The following PTPN13 variants were observed in gnomAD, a reference collection of about 807,000 sequenced individuals.
The protein encoded by PTPN13 is tyrosine-protein phosphatase non-receptor type 13.
PTPN13 carries 191 observed loss-of-function variants against 284.0 expected under a neutral mutation model. The observed-to-expected ratio is 0.67, with a 90% CI of 0.60 to 0.76. PTPN13 has a LOEUF of 0.76. Among genes scored for constraint, PTPN13 ranks in the 30% least tolerant of loss-of-function variants. The probability of loss-of-function intolerance (pLI) is 0.00; values close to 1 mark genes in which losing one functional copy is unlikely to be tolerated. For synonymous variants in PTPN13, 986 were observed against 1,022.3 expected, an observed-to-expected ratio of 0.96 and a Z score of 0.68; for missense variants, 2,797 against 2,939.9, an observed-to-expected ratio of 0.95 and a Z score of 1.12.
chr4:86,786,593 T>A (rs895417055), intron 40 of PTPN13, among the ~76,000 whole-genome samples: 3 of 152,162 alleles, frequency 2.0e-5, no homozygotes, highest in Non-Finnish European at 4.4e-5. Context: ...AAATGTGGCA[T>A]TCGCTAGTGG....
intron 2 of PTPN13, among the ~76,000 whole-genome samples, chr4:86,655,019 C>T (rs2148822585): frequency 6.6e-6 from 1 of 152,206 alleles, no homozygotes; most frequent in South Asian, 2.1e-4. Flanking sequence ...CTCTTTTGAT[C>T]TTTGTTGGTT....
chr4:86,770,296 G>A, intron 30 of PTPN13, 97 bp downstream of exon 30: 2 of 1,136,860 alleles, frequency 1.8e-6, no homozygotes, highest in South Asian at 1.4e-5. Context: ...TGTTCTCCTG[G>A]GTTTCATACC....
Position 86,618,462 on chromosome 4 carries a change from A to C in PTPN13, c.-5-16790A>C, listed in dbSNP as rs1327807126. 3.9e-5 allele frequency among the ~76,000 whole-genome samples: 6 copies of C among 152,300 alleles called. No individual in the cohort carries two copies. In the East Asian group the frequency reaches 1.2e-3, roughly 29 times the overall value. ...AAAGTAGTTTTTTCCTATTCTGTGAAGAAAGTCATTGGTAGCTTGATGGGG... is the reference window on the plus strand; with the variant it reads ...AAAGTAGTTTTTTCCTATTCTGTGACGAAAGTCATTGGTAGCTTGATGGGG... On this transcript the variant is annotated intron_variant, in intron 1 of 47. Coordinates refer to ENST00000411767, the MANE Select transcript of PTPN13 (RefSeq NM_080683.3).
At chr4:86,618,905 T>C (rs1282942406) in intron 1 of PTPN13, among the ~76,000 whole-genome samples, 1 of 152,178 alleles carries the variant, frequency 6.6e-6, no homozygotes, top group African/African-American at 2.4e-5. Context: ...TTTTCCTAAT[T>C]GAATACCCTT....
At chr4:86,733,768 T>C (rs956688500) in intron 12 of PTPN13, among the ~76,000 whole-genome samples, 8 of 152,194 alleles carry the variant, frequency 5.3e-5, no homozygotes, top group Non-Finnish European at 7.4e-5. Flanking sequence ...AATAATTCTT[T>C]TATTTGTAGA....
At chr4:86,638,919 G>A (rs952625188) in intron 2 of PTPN13, among the ~76,000 whole-genome samples, 4 of 152,078 alleles carry the variant, frequency 2.6e-5, no homozygotes, top group Non-Finnish European at 5.9e-5. Context: ...GAAAATGTTC[G>A]CAACCTACTC....
rs753169701 is a variant in PTPN13, at chr4:86,764,717, G to A, written c.4142G>A (p.Ser1381Asn). The A allele has an allele frequency of 3.7e-5, 60 of 1,606,332 alleles. No individual in the cohort carries two copies. The highest frequency in any genetic ancestry group is 5.0e-5 in the Non-Finnish European group (59 of 1,178,146). The change falls in exon 25 of 48, where the codon AGT (serine) becomes AAT (asparagine). Residue 1381 changes from serine to asparagine, a missense_variant. By Grantham distance (46) the Ser-to-Asn change is conservative (BLOSUM62 1). Transcript: ENST00000411767. ...LAKNDNSLGI[S>N]VTGGVNTSVR... ...AAAAATGATAACAGCTTGGGGATAA[G>A]TGTCACGGTACTGTTTGACAAGGTT...
chr4:86,670,798 G>T (rs1401201146), intron 2 of PTPN13, among the ~76,000 whole-genome samples: 1 of 152,190 alleles, frequency 6.6e-6, no homozygotes, highest in Non-Finnish European at 1.5e-5. Flanking sequence ...CAGCTAGATT[G>T]TGTGTTGTCT....
At chr4:86,750,962 T>G (rs1290551839) in intron 18 of PTPN13, 65 bp from the exon 19 acceptor site, 1 of 1,561,906 alleles carries the variant, frequency 6.4e-7, no homozygotes. Flanking sequence ...GTTATGACAT[T>G]TTATTATTTT....
At chr4:86,614,282 ACT>A (rs903273552) in intron 1 of PTPN13, among the ~76,000 whole-genome samples, 17 of 152,058 alleles carry the variant, frequency 1.1e-4, no homozygotes, top group Admixed American at 2.6e-4. Flanking sequence ...ACTCTAAATT[ACT>A]CTGTTTGATT....
chr4:86,755,939 T>C (rs987858344), intron 20 of PTPN13, among the ~76,000 whole-genome samples: 13 of 151,784 alleles, frequency 8.6e-5, no homozygotes, highest in African/African-American at 3.1e-4. Flanking sequence ...ACTCAACCAT[T>C]AGTCTCCTCA....
At chr4:86,638,541 T>C (rs1472775637) in intron 2 of PTPN13, among the ~76,000 whole-genome samples, 1 of 152,182 alleles carries the variant, frequency 6.6e-6, no homozygotes, top group Non-Finnish European at 1.5e-5. Context: ...TACAACTATC[T>C]GATCTTTGAC....
At chr4:86,689,996 T>C (rs978056471) in intron 5 of PTPN13, 10 of 366,786 alleles carry the variant, frequency 2.7e-5, no homozygotes, top group Non-Finnish European at 1.5e-5. Flanking sequence ...GGTAGGGGTT[T>C]AGTTCCCATC....
intron 41 of PTPN13, 73 bp from the exon 42 acceptor site, chr4:86,799,028 A>G: frequency 2.3e-6 from 2 of 887,672 alleles, no homozygotes; most frequent in Non-Finnish European, 3.4e-6. Context: ...ATTGTAGAGA[A>G]AATCATTCAG....
Position 86,814,773 on chromosome 4 carries a change from C to G in PTPN13, c.*222C>G. 2.2e-6 allele frequency: 1 copy of G among 454,920 alleles called. No homozygotes were observed. The highest frequency in any genetic ancestry group is 4.0e-6 in the Non-Finnish European group (1 of 252,376). The allele number at this position is 454,920 out of a possible 1,614,324, so 28.2% of individuals were successfully genotyped here. Reference sequence around the variant, plus strand: ...ATTATTTACAAAATTTTAACACTAACCAAACAATGCAGATCTTAGGGATGA... The same window carrying G: ...ATTATTTACAAAATTTTAACACTAAGCAAACAATGCAGATCTTAGGGATGA... On this transcript the variant is annotated 3_prime_UTR_variant, in exon 48 of 48. Transcript: ENST00000411767.
intron 17 of PTPN13, 34 bp from the exon 18 acceptor site, chr4:86,750,436 T>A (rs1231484328): frequency 6.4e-7 from 1 of 1,551,414 alleles, no homozygotes; most frequent in Non-Finnish European, 8.7e-7. Flanking sequence ...ACTGTGGCGT[T>A]ACCATCATGT....
chr4:86,705,560 T>C (rs1016671898), intron 7 of PTPN13, among the ~76,000 whole-genome samples: 2 of 152,158 alleles, frequency 1.3e-5, no homozygotes, highest in African/African-American at 4.8e-5. Context: ...TTAAACTATT[T>C]GTGTTTTAAA....
intron 35 of PTPN13, 133 bp from the exon 36 acceptor site, chr4:86,780,269 A>G (rs1309720806): frequency 5.7e-6 from 4 of 697,488 alleles, no homozygotes; most frequent in South Asian, 1.6e-5. Flanking sequence ...GCATGGTGGC[A>G]CATGCCTGTG....
At position 86,728,379 on chromosome 4, in the gene PTPN13, T is replaced by C. The variant is rs117974539; in HGVS notation, c.1609-4021T>C. Among the ~76,000 whole-genome samples the C allele has an allele frequency of 1.4e-4, 21 of 149,202 alleles. No individual in the cohort carries two copies. In the East Asian group the frequency reaches 3.9e-3, roughly 27 times the overall value. On this transcript the variant is annotated intron_variant, in intron 10 of 47. Transcript: ENST00000411767. Reference sequence around the variant, plus strand: ...AAGTCCTGGATATCCTTCTTAACCTTCTGTCTCCTTATCTGTCTAATACTG... The same window carrying C: ...AAGTCCTGGATATCCTTCTTAACCTCCTGTCTCCTTATCTGTCTAATACTG...
Sources: allele counts gnomAD v4.1 joint callset (sites outside exome capture counted in the v4.1 genomes callset), GRCh38; gene constraint gnomAD v4.1.1; transcripts MANE v1.5; gene names NCBI Gene and HGNC (gene_info 2026-07-23, HGNC 2026-07-21).